TAFA5: variants seen among roughly 807,000 people sequenced by gnomAD.
TAFA5 encodes TAFA chemokine like family member 5.
Under a neutral mutation model 15.3 loss-of-function variants are expected in TAFA5, and 6 were observed. That is an observed-to-expected ratio of 0.39 (90% confidence interval 0.21 to 0.77). The LOEUF is 0.77. TAFA5 is among the 30% of genes least tolerant of loss of function. The probability of loss-of-function intolerance (pLI) is 0.41; values close to 1 mark genes in which losing one functional copy is unlikely to be tolerated. For missense variants in TAFA5, 161 were observed against 193.1 expected (o/e 0.83, Z 0.98); for synonymous variants, 103 against 80.7 (o/e 1.28, Z -1.48).
At chr22:48,613,144 TC>T (rs1275569759) in intron 1 of TAFA5, among the ~76,000 whole-genome samples, 2 of 152,206 alleles carry the variant, frequency 1.3e-5, no homozygotes, top group African/African-American at 4.8e-5. Flanking sequence ...GCTGGAAGAT[TC>T]TCCTGATGCC....
In TAFA5 at chr22:48,672,255, G is replaced by A. The variant is rs1490225398; in HGVS notation, c.262+25509G>A. Among the ~76,000 whole-genome samples, 3 of 152,194 alleles carry A rather than the reference G, an allele frequency of 2.0e-5. No homozygotes were observed. The East Asian group carries it at 5.8e-4, about 29-fold the overall frequency. On this transcript the variant is annotated intron_variant, in intron 2 of 3. Coordinates refer to ENST00000402357, the MANE Select transcript of TAFA5 (RefSeq NM_001082967.3). ...GGTTTGTGGGAATCATCATACTTCT[G>A]CTGCTTGCATCTGCGTGCAATACAA...
At chr22:48,613,267 T>C (rs746379978) in intron 1 of TAFA5, among the ~76,000 whole-genome samples, 1 of 152,214 alleles carries the variant, frequency 6.6e-6, no homozygotes, top group Non-Finnish European at 1.5e-5. Flanking sequence ...TCTGAGGACC[T>C]GAGTCTGGTC....
intron 1 of TAFA5, among the ~76,000 whole-genome samples, chr22:48,578,328 G>A (rs1174051424): frequency 3.3e-5 from 5 of 152,186 alleles, no homozygotes; most frequent in Non-Finnish European, 7.4e-5. Flanking sequence ...TTTCTGCCTC[G>A]CCCTGCGGCG....
chr22:48,564,179 A>G (rs1375527457), intron 1 of TAFA5, among the ~76,000 whole-genome samples: 1 of 152,236 alleles, frequency 6.6e-6, no homozygotes, highest in African/African-American at 2.4e-5. Flanking sequence ...ACGGAGGAAG[A>G]CAACCAATGA....
intron 2 of TAFA5, among the ~76,000 whole-genome samples, chr22:48,647,092 T>A (rs1364060863): frequency 1.3e-5 from 2 of 152,152 alleles, no homozygotes; most frequent in Non-Finnish European, 2.9e-5. Context: ...GATGGCAAGG[T>A]CCCCTGGGTG....
intron 1 of TAFA5, among the ~76,000 whole-genome samples, chr22:48,578,272 C>T (rs186369195): frequency 7.9e-5 from 12 of 152,324 alleles, no homozygotes; most frequent in Admixed American, 2.6e-4. Flanking sequence ...GAGTTAGTAA[C>T]GGGAGAAGCT....
At chr22:48,512,925 A>G (rs919352679) in intron 1 of TAFA5, among the ~76,000 whole-genome samples, 4 of 15,710 alleles carry the variant, frequency 2.5e-4, no homozygotes, top group Admixed American at 1.5e-3. Context: ...TCTGTCTCAA[A>G]AAAAAAAAAA....
chr22:48,601,967 C>A (rs1924990558), intron 1 of TAFA5, among the ~76,000 whole-genome samples: 1 of 151,884 alleles, frequency 6.6e-6, no homozygotes, highest in Admixed American at 6.6e-5. Flanking sequence ...CACATACAGA[C>A]CGTGCCAGTG....
intron 1 of TAFA5, among the ~76,000 whole-genome samples, chr22:48,641,695 C>T (rs989801795): frequency 3.3e-4 from 50 of 151,882 alleles, no homozygotes; most frequent in African/African-American, 1.1e-3. Context: ...CACACGGCCT[C>T]GCTAACTGGG....
chr22:48,699,914 C>G (rs949674987), intron 2 of TAFA5, among the ~76,000 whole-genome samples: 1 of 152,164 alleles, frequency 6.6e-6, no homozygotes, highest in Non-Finnish European at 1.5e-5. Context: ...GAGAGCAGCT[C>G]GCACACCCCA....
intron 2 of TAFA5, among the ~76,000 whole-genome samples, chr22:48,680,113 G>A (rs1928132363): frequency 6.6e-6 from 1 of 152,202 alleles, no homozygotes; most frequent in Non-Finnish European, 1.5e-5. Flanking sequence ...GTGGATGGGT[G>A]GCCATGGTCC....
chr22:48,714,504 G>A (rs1929346031), intron 3 of TAFA5, among the ~76,000 whole-genome samples: 1 of 152,208 alleles, frequency 6.6e-6, no homozygotes, highest in Admixed American at 6.5e-5. Flanking sequence ...GCTCCCTGCA[G>A]AATCCAAAGA....
chr22:48,685,629 A>C (rs1928328901), intron 2 of TAFA5, among the ~76,000 whole-genome samples: 1 of 151,612 alleles, frequency 6.6e-6, no homozygotes, highest in Non-Finnish European at 1.5e-5. Flanking sequence ...GGGCGTATTG[A>C]GGGGTGTCTA....
At chr22:48,548,339 C>T (rs145286608) in intron 1 of TAFA5, among the ~76,000 whole-genome samples, 4 of 152,366 alleles carry the variant, frequency 2.6e-5, no homozygotes, top group East Asian at 1.9e-4. Flanking sequence ...CCTGCTCCCT[C>T]GCCCCGCCGA....
At chr22:48,709,014 G>A (rs1320976137) in intron 3 of TAFA5, among the ~76,000 whole-genome samples, 2 of 152,164 alleles carry the variant, frequency 1.3e-5, no homozygotes, top group Admixed American at 6.5e-5. Context: ...TCTGAGAGTC[G>A]CACGGCTTTC....
intron 1 of TAFA5, among the ~76,000 whole-genome samples, chr22:48,641,893 G>A (rs1259954426): frequency 9.2e-5 from 14 of 152,254 alleles, no homozygotes; most frequent in East Asian, 1.9e-4. Context: ...GGTCTTAAAA[G>A]CAATGCAAAC....
chr22:48,611,273 C>T (rs964512380), intron 1 of TAFA5, among the ~76,000 whole-genome samples: 3 of 152,238 alleles, frequency 2.0e-5, no homozygotes, highest in Admixed American at 1.3e-4. Flanking sequence ...AGCGGCAGAC[C>T]GCGAAATACA....
At chr22:48,745,340 A>G (rs1930297043) in intron 3 of TAFA5, among the ~76,000 whole-genome samples, 5 of 137,836 alleles carry the variant, frequency 3.6e-5, no homozygotes. Flanking sequence ...CACCCTGAGC[A>G]TGGGCACACA....
chr22:48,657,771 C>T (rs1002269547), intron 2 of TAFA5, among the ~76,000 whole-genome samples: 1 of 152,092 alleles, frequency 6.6e-6, no homozygotes, highest in African/African-American at 2.4e-5. Context: ...GGTCCTGATG[C>T]CTCCAAATGC....
Sources: gnomAD v4.1 joint callset for allele counts (sites outside exome capture counted in the v4.1 genomes callset) on GRCh38, gnomAD v4.1.1 for gene constraint, MANE v1.5 for transcripts, NCBI Gene and HGNC (gene_info 2026-07-23, HGNC 2026-07-21) for gene names.